Variants in PLXNA4 observed in about 807,000 individuals in gnomAD.
The protein encoded by PLXNA4 is plexin A4.
A neutral mutation model predicts 191.8 loss-of-function variants in PLXNA4; 44 were observed. The ratio of observed to expected loss-of-function variants is 0.23; its 90% CI spans 0.18 to 0.29. The LOEUF (loss-of-function observed/expected upper bound fraction) is 0.29. Among genes scored for constraint, PLXNA4 ranks in the 10% least tolerant of loss-of-function variants. The probability of loss-of-function intolerance (pLI) is 1.00; values close to 1 mark genes in which losing one functional copy is unlikely to be tolerated. For synonymous variants in PLXNA4, 1,082 were observed against 1,009.5 expected (o/e 1.07, Z -1.36); for missense variants, 1,800 against 2,488.8 (o/e 0.72, Z 5.89).
chr7:132,252,896 A>C (rs1471699656), intron 4 of PLXNA4, among the ~76,000 whole-genome samples: 1 of 152,244 alleles, frequency 6.6e-6, no homozygotes, highest in Non-Finnish European at 1.5e-5. Flanking sequence ...GTATGTACTA[A>C]GATGGATGAA....
chr7:132,178,866 ACACAC>A (rs1796581026), intron 20 of PLXNA4, among the ~76,000 whole-genome samples: 1 of 141,304 alleles, frequency 7.1e-6, no homozygotes, highest in African/African-American at 2.7e-5. Context: ...ACACACACAC[ACACAC>A]ACAGCCTCCA....
intron 27 of PLXNA4, 140 bp from the exon 28 acceptor site, chr7:132,146,840 T>G: frequency 6.8e-7 from 1 of 1,469,576 alleles, no homozygotes. Flanking sequence ...CACCTTGCCT[T>G]GGTTTGGTGC....
chr7:132,171,212 C>T (rs943015055), intron 21 of PLXNA4, among the ~76,000 whole-genome samples: 3 of 152,258 alleles, frequency 2.0e-5, no homozygotes, highest in African/African-American at 7.2e-5. Context: ...CCACCATGTG[C>T]AATGCACAGT....
At chr7:132,139,859 T>C (rs1795214232) in intron 30 of PLXNA4, among the ~76,000 whole-genome samples, 1 of 152,232 alleles carries the variant, frequency 6.6e-6, no homozygotes, top group African/African-American at 2.4e-5. Context: ...TCCTGTCCTC[T>C]CCCTAGTACA....
At chr7:132,491,943 C>G (rs1797823770) in intron 2 of PLXNA4, among the ~76,000 whole-genome samples, 4 of 152,114 alleles carry the variant, frequency 2.6e-5, no homozygotes, top group Admixed American at 2.6e-4. Context: ...TGGATATGAC[C>G]ATGGCAACCT....
At chr7:132,247,664 G>A (rs1211579964) in intron 4 of PLXNA4, among the ~76,000 whole-genome samples, 2 of 152,294 alleles carry the variant, frequency 1.3e-5, no homozygotes, top group Middle Eastern at 3.4e-3. Context: ...ATCTCCTTTG[G>A]TCACCACTGG....
intron 4 of PLXNA4, among the ~76,000 whole-genome samples, chr7:132,246,768 A>AATCATCATCATC (rs34617807): frequency 9.3e-5 from 14 of 149,880 alleles, no homozygotes; most frequent in Non-Finnish European, 1.6e-4. Context: ...TTGTACATGC[A>AATCATCATCATC]ATCATCATCA....
At chr7:132,235,212 G>A (rs767053262) in intron 5 of PLXNA4, among the ~76,000 whole-genome samples, 7 of 152,202 alleles carry the variant, frequency 4.6e-5, no homozygotes, top group Middle Eastern at 3.2e-3. Flanking sequence ...TCCCACAGTC[G>A]AGGCCCTTTG....
chr7:132,586,416 T>C (rs555365205), intron 2 of PLXNA4, among the ~76,000 whole-genome samples: 305 of 152,258 alleles, frequency 2.0e-3, no homozygotes, highest in Non-Finnish European at 2.9e-3. Context: ...TTCTAAGGAA[T>C]AAAAAAGGTG....
intron 3 of PLXNA4, among the ~76,000 whole-genome samples, chr7:132,330,002 C>T (rs752362783): frequency 3.9e-5 from 6 of 152,164 alleles, no homozygotes; most frequent in African/African-American, 9.7e-5. Flanking sequence ...GCGTGCTCTC[C>T]GTTGTGTGTT....
At chr7:132,615,116 A>G (rs1290600402) in intron 2 of PLXNA4, among the ~76,000 whole-genome samples, 1 of 152,158 alleles carries the variant, frequency 6.6e-6, no homozygotes, top group Non-Finnish European at 1.5e-5. Context: ...AGGACACGCC[A>G]TGGTTTTGCC....
chr7:132,422,478 C>G (rs561509494), intron 3 of PLXNA4, among the ~76,000 whole-genome samples: 5 of 152,330 alleles, frequency 3.3e-5, no homozygotes, highest in Admixed American at 1.3e-4. Flanking sequence ...GTACGGCTGC[C>G]GACTTCCAAA....
chr7:132,293,540 G>A (rs911133327), intron 4 of PLXNA4, among the ~76,000 whole-genome samples: 1 of 152,072 alleles, frequency 6.6e-6, no homozygotes, highest in Non-Finnish European at 1.5e-5. Context: ...ATTTAGGTGG[G>A]GACACAGCCA....
At chr7:132,563,514 C>T (rs1372541834) in intron 1 of PLXNA4, among the ~76,000 whole-genome samples, 1 of 43,442 alleles carries the variant, frequency 2.3e-5, no homozygotes, top group Non-Finnish European at 7.8e-5. Flanking sequence ...CCTCCTCCTC[C>T]TGCTGCTCCT....
intron 4 of PLXNA4, among the ~76,000 whole-genome samples, chr7:132,293,507 T>C (rs1415987448): frequency 6.6e-6 from 1 of 152,184 alleles, no homozygotes; most frequent in Non-Finnish European, 1.5e-5. Context: ...ATGGGAATTA[T>C]GGGAGCTACA....
In PLXNA4 at chr7:132,142,124, G is replaced by C. The variant is rs532909727; in HGVS notation, c.5226-1313C>G. ...CATTAACAAAGACAAAGAGGGAAAAGTGTGCCCTGCAGTCTGCTATTGTAA... is the reference window on the plus strand; with the variant it reads ...CATTAACAAAGACAAAGAGGGAAAACTGTGCCCTGCAGTCTGCTATTGTAA... On this transcript the variant is annotated intron_variant, in intron 29 of 31. Coordinates refer to ENST00000321063, the MANE Select transcript of PLXNA4 (RefSeq NM_020911.2). 1.8e-4 allele frequency among the ~76,000 whole-genome samples: 27 copies of C among 152,346 alleles called. No individual in the cohort carries two copies. In the South Asian group the frequency reaches 4.6e-3, roughly 26 times the overall value.
intron 2 of PLXNA4, among the ~76,000 whole-genome samples, chr7:132,614,168 A>G (rs1043604657): frequency 6.6e-6 from 1 of 152,260 alleles, no homozygotes; most frequent in African/African-American, 2.4e-5. Context: ...ATTACATTTT[A>G]TTTATTTAAC....
chr7:132,504,189 G>A (rs1334255312), intron 2 of PLXNA4, among the ~76,000 whole-genome samples: 1 of 152,272 alleles, frequency 6.6e-6, no homozygotes, highest in Non-Finnish European at 1.5e-5. Flanking sequence ...GGGGGCTGCA[G>A]GTCAGCAGGT....
At chr7:132,504,579 A>C (rs1798382214) in intron 2 of PLXNA4, among the ~76,000 whole-genome samples, 1 of 152,190 alleles carries the variant, frequency 6.6e-6, no homozygotes, top group Non-Finnish European at 1.5e-5. Flanking sequence ...AAGCTTTTAG[A>C]GTTGTAACTA....
Sources: gnomAD v4.1 joint callset for allele counts (sites outside exome capture counted in the v4.1 genomes callset) on GRCh38, gnomAD v4.1.1 for gene constraint, MANE v1.5 for transcripts, NCBI Gene and HGNC (gene_info 2026-07-23, HGNC 2026-07-21) for gene names.